The following DTHD1 variants were observed in gnomAD, a reference collection of about 807,000 sequenced individuals.
DTHD1 encodes death domain containing 1.
A neutral mutation model predicts 74.8 loss-of-function variants in DTHD1; 59 were observed. That is an observed-to-expected ratio of 0.79 (90% CI 0.64 to 0.98). The LOEUF is 0.98. Among genes scored for constraint, DTHD1 ranks in the 50% least tolerant of loss-of-function variants. DTHD1 has a pLI of 0.00. For missense variants in DTHD1, 1,051 were observed against 1,065.4 expected, an observed-to-expected ratio of 0.99 and a Z score of 0.19; for synonymous variants, 365 against 371.1, an observed-to-expected ratio of 0.98 and a Z score of 0.19.
chr4:36,288,768 C>T (rs1399008315), intron 2 of DTHD1, among the ~76,000 whole-genome samples: 6 of 152,166 alleles, frequency 3.9e-5, no homozygotes, highest in Admixed American at 3.3e-4. Flanking sequence ...TTAAAAGTCA[C>T]CTTGTTCTAC....
chr4:36,294,906 C>A lies in DTHD1; in HGVS notation c.1510C>A (p.Pro504Thr). 2 of 1,551,920 alleles carry A rather than the reference C, an allele frequency of 1.3e-6. No individual in the cohort carries two copies. The highest frequency in any genetic ancestry group is 2.4e-5 in the East Asian group (1 of 40,896). The change falls in exon 5 of 10, where the codon CCT becomes ACT. Residue 504 changes from proline (P) to threonine (T), a missense_variant. Coordinates refer to ENST00000639862, the MANE Select transcript of DTHD1 (RefSeq NM_001170700.3). ...TCACATTCAGCACCCATCAACTTAT[C>A]CTTTTCAGAAGCCAGTCACTTTGTT... ...LIHIQHPSTYPFQKPVTLFLP... is the reference protein window; with the variant it reads ...LIHIQHPSTYTFQKPVTLFLP...
In DTHD1 at chr4:36,283,957, T is replaced by G. The variant is rs897314770; in HGVS notation, c.272-19T>G. The G allele has an allele frequency of 6.8e-6, 10 of 1,462,572 alleles. No individual in the cohort carries two copies. The highest frequency in any genetic ancestry group is 1.7e-4 in the Middle Eastern group (1 of 5,806). 90.6% of individuals were successfully genotyped at this position (1,462,572 alleles called of 1,614,324 possible). On this transcript the variant is annotated intron_variant, in intron 1 of 9. Transcript: ENST00000639862. Reference sequence around the variant, plus strand: ...TAGTTTTGTATTTATTCTTTGTGTGTCCATGTATGTGTGTGTAGAAATCAT... The same window carrying G: ...TAGTTTTGTATTTATTCTTTGTGTGGCCATGTATGTGTGTGTAGAAATCAT...
In DTHD1 at chr4:36,343,836, C is replaced by G. The variant is rs1401803246; in HGVS notation, c.*12C>G. On this transcript the variant is annotated 3_prime_UTR_variant, in exon 10 of 10. Coordinates refer to ENST00000639862, the MANE Select transcript of DTHD1 (RefSeq NM_001170700.3). ...TAGCCCCTGAGTAAAAGCCTGATCT[C>G]TCTTCCTTTACCCCTAGGAAAAGGC... 3.3e-6 allele frequency: 5 copies of G among 1,532,830 alleles called. No homozygotes were observed. The highest frequency in any genetic ancestry group is 4.4e-6 in the Non-Finnish European group (5 of 1,136,636). The allele number at this position is 1,532,830 out of a possible 1,614,324, so 95.0% of individuals were successfully genotyped here.
intron 5 of DTHD1, among the ~76,000 whole-genome samples, chr4:36,299,853 G>A (rs1756655462): frequency 1.3e-5 from 2 of 151,978 alleles, no homozygotes; most frequent in South Asian, 4.2e-4. Flanking sequence ...ATTTCTTAAA[G>A]TTATATTTTC....
At chr4:36,318,937 C>T (rs1234944041) in intron 8 of DTHD1, among the ~76,000 whole-genome samples, 1 of 152,128 alleles carries the variant, frequency 6.6e-6, no homozygotes, top group African/African-American at 2.4e-5. Flanking sequence ...TTCATTTCCA[C>T]CATAAGACTT....
intron 7 of DTHD1, chr4:36,311,139 G>C (rs1053179975): frequency 1.3e-5 from 2 of 152,248 alleles, no homozygotes; most frequent in African/African-American, 2.4e-5. Context: ...CGGGGAGCAC[G>C]TGCTAAACCA....
At position 36,345,400 on chromosome 4, in the gene DTHD1, G is replaced by C. The variant is rs1759536748; in HGVS notation, c.*1576G>C. ...TCATTAATGCAAAAACCATTAGGTC[G>C]TTGGCTTGAAAACATCGGTAGCAAT... On this transcript the variant is annotated 3_prime_UTR_variant, in exon 10 of 10. Coordinates refer to ENST00000639862, the MANE Select transcript of DTHD1 (RefSeq NM_001170700.3). The C allele has an allele frequency of 6.6e-6, 1 of 152,126 alleles. No homozygotes were observed. The highest frequency in any genetic ancestry group is 6.6e-5 in the Admixed American group (1 of 15,266). The allele number at this position is 152,126 out of a possible 1,614,324, so 9.4% of individuals were successfully genotyped here.
intron 8 of DTHD1, among the ~76,000 whole-genome samples, chr4:36,329,926 T>C (rs983223749): frequency 1.3e-5 from 2 of 152,238 alleles, no homozygotes; most frequent in Admixed American, 6.5e-5. Flanking sequence ...AGTATTTATA[T>C]AGATGAAATT....
chr4:36,290,611 TAC>T lies in DTHD1; in HGVS notation c.1128_1129del (p.Tyr376Ter), dbSNP rs1756019234. 3 of 1,550,688 alleles carry T rather than the reference TAC, an allele frequency of 1.9e-6. No homozygotes were observed. Among genetic ancestry groups the T allele is most frequent in the Non-Finnish European group, 1.7e-6 (2 of 1,146,978 alleles). On this transcript the variant is annotated frameshift_variant, in exon 3 of 10. Transcript: ENST00000639862. LOFTEE classifies it high-confidence loss of function. Reference sequence around the variant, plus strand: ...ATTTACTGCACGTTACAGAGGAAATTACAGAGATATCATGGTGAAAGTGTGTG... The same window carrying T: ...ATTTACTGCACGTTACAGAGGAAATTAGAGATATCATGGTGAAAGTGTGTG... ...IPFTARYRGN[Y>X]RDIMVKVCDI...
At chr4:36,318,273 T>C (rs1296304174) in intron 8 of DTHD1, among the ~76,000 whole-genome samples, 2 of 152,210 alleles carry the variant, frequency 1.3e-5, no homozygotes, top group East Asian at 1.9e-4. Flanking sequence ...TAGTCAAAGA[T>C]ACAAGATGGA....
At position 36,306,176 on chromosome 4, in the gene DTHD1, G is replaced by A. The variant is rs1357651753; in HGVS notation, c.1644-15G>A. The A allele has an allele frequency of 1.9e-6, 3 of 1,546,106 alleles. No homozygotes were observed. In the South Asian group the frequency reaches 3.6e-5, roughly 19 times the overall value. Reference sequence around the variant, plus strand: ...TGTAAATTGTACCAATATCTCTTCTGTTACCATTATATAGGACAAAAATTG... The same window carrying A: ...TGTAAATTGTACCAATATCTCTTCTATTACCATTATATAGGACAAAAATTG... On this transcript the variant is annotated splice_polypyrimidine_tract_variant and intron_variant, in intron 5 of 9. Coordinates refer to ENST00000639862, the MANE Select transcript of DTHD1 (RefSeq NM_001170700.3).
chr4:36,328,451 C>T (rs1758477529), intron 8 of DTHD1, among the ~76,000 whole-genome samples: 1 of 152,164 alleles, frequency 6.6e-6, no homozygotes, highest in Non-Finnish European at 1.5e-5. Context: ...TTTTAATGTA[C>T]TTATTTAGAA....
At chr4:36,321,850 C>G (rs941493199) in intron 8 of DTHD1, among the ~76,000 whole-genome samples, 2 of 152,178 alleles carry the variant, frequency 1.3e-5, no homozygotes, top group Non-Finnish European at 2.9e-5. Context: ...CCAAGGCATT[C>G]TCTGCTCTAC....
chr4:36,342,918 CAA>C (rs55956868), intron 9 of DTHD1, among the ~76,000 whole-genome samples: 25 of 96,974 alleles, frequency 2.6e-4, no homozygotes, highest in African/African-American at 4.3e-4. Flanking sequence ...ACTAAAAATA[CAA>C]AAAAAAAAAA....
chr4:36,290,521 G>T lies in DTHD1; in HGVS notation c.1036G>T (p.Val346Phe), dbSNP rs201684570. Residue 346 changes from valine to phenylalanine, a missense_variant, in exon 3 of 10, where the codon GTC becomes TTC. By Grantham distance (50) the Val-to-Phe change is conservative. Transcript: ENST00000639862. ...TGATAATGAAGAGTTAGTTAGCAAC[G>T]TCATAACTATTGAATGCTCAGATAA... ...VGDNEELVSN[V>F]ITIECSDKEK... The T allele has an allele frequency of 6.4e-7, 1 of 1,551,592 alleles. No individual in the cohort carries two copies. Among genetic ancestry groups the T allele is most frequent in the Non-Finnish European group, 8.7e-7 (1 of 1,146,972 alleles).
At chr4:36,310,960 A>G (rs984084388) in intron 7 of DTHD1, among the ~76,000 whole-genome samples, 3 of 152,274 alleles carry the variant, frequency 2.0e-5, no homozygotes, top group Middle Eastern at 3.4e-3. Context: ...AAATCTCTCT[A>G]CTGAGACATA....
chr4:36,306,472 C>T, intron 6 of DTHD1, 120 bp downstream of exon 6: 2 of 1,087,270 alleles, frequency 1.8e-6, no homozygotes, highest in Non-Finnish European at 1.2e-6. Context: ...ATTAACCATT[C>T]TTTAAAGGGT....
At chr4:36,303,112 C>T (rs906208002) in intron 5 of DTHD1, among the ~76,000 whole-genome samples, 7 of 152,140 alleles carry the variant, frequency 4.6e-5, no homozygotes, top group African/African-American at 1.7e-4. Context: ...AAAATAAACA[C>T]ATTTAAAAAA....
At chr4:36,307,639 C>G (rs1019568102) in intron 6 of DTHD1, among the ~76,000 whole-genome samples, 4 of 152,180 alleles carry the variant, frequency 2.6e-5, no homozygotes, top group African/African-American at 7.2e-5. Context: ...CCCACCTACA[C>G]AGAGATGCGT....
Sources: allele counts gnomAD v4.1 joint callset (sites outside exome capture counted in the v4.1 genomes callset), GRCh38; gene constraint gnomAD v4.1.1; transcripts MANE v1.5; gene names NCBI Gene and HGNC (gene_info 2026-07-23, HGNC 2026-07-21).